FSTL5: variants seen among roughly 807,000 people sequenced by gnomAD.
The protein encoded by FSTL5 is follistatin-related protein 5.
FSTL5 carries 62 observed loss-of-function variants against 89.1 expected under a neutral mutation model. That is an observed-to-expected ratio of 0.70 (90% CI 0.57 to 0.86). The LOEUF (loss-of-function observed/expected upper bound fraction) is 0.86, where lower values mean the gene tolerates loss of function less well. Among genes scored for constraint, FSTL5 ranks in the 40% least tolerant of loss-of-function variants. The pLI is 0.00. For missense variants in FSTL5, 1,057 were observed against 1,001.6 expected (o/e 1.06, Z -0.75); for synonymous variants, 383 against 346.2 (o/e 1.11, Z -1.18).
chr4:161,680,488 G>T (rs1039737624), intron 6 of FSTL5, among the ~76,000 whole-genome samples: 12 of 151,890 alleles, frequency 7.9e-5, no homozygotes, highest in African/African-American at 2.9e-4. Flanking sequence ...TTGAGATAAA[G>T]TGACAACAAC....
At chr4:162,161,184 T>C (rs7672186) in intron 1 of FSTL5, among the ~76,000 whole-genome samples, 79,848 of 151,614 alleles carry the variant, frequency 0.53, 21,218 homozygotes, top group Admixed American at 0.59. Context: ...ACATCCAGTG[T>C]TGTGTTACTG....
intron 4 of FSTL5, among the ~76,000 whole-genome samples, chr4:161,869,613 G>T (rs1418771382): frequency 6.6e-6 from 1 of 152,174 alleles, no homozygotes; most frequent in Non-Finnish European, 1.5e-5. Flanking sequence ...AATTGTGAGT[G>T]TTACTGGCAT....
At chr4:161,912,820 A>C (rs1186407154) in intron 4 of FSTL5, among the ~76,000 whole-genome samples, 2 of 152,204 alleles carry the variant, frequency 1.3e-5, no homozygotes, top group Admixed American at 6.5e-5. Context: ...GACTTCTTGA[A>C]TGGCTTGGAC....
chr4:162,042,381 G>T (rs1046588265), intron 2 of FSTL5, among the ~76,000 whole-genome samples: 10 of 152,036 alleles, frequency 6.6e-5, no homozygotes, highest in African/African-American at 2.4e-4. Context: ...GTGTCAAATA[G>T]AGTCTTTAAG....
chr4:161,527,909 T>C (rs925690748), intron 10 of FSTL5, among the ~76,000 whole-genome samples: 5 of 149,444 alleles, frequency 3.3e-5, no homozygotes, highest in African/African-American at 1.3e-4. Context: ...TGTCCAACAA[T>C]GATAGACTGG....
At chr4:161,817,768 G>T (rs868693825) in intron 4 of FSTL5, among the ~76,000 whole-genome samples, 4 of 152,320 alleles carry the variant, frequency 2.6e-5, no homozygotes, top group Middle Eastern at 3.4e-3. Context: ...AAATATGTGG[G>T]ATCATAAGCA....
intron 7 of FSTL5, among the ~76,000 whole-genome samples, chr4:161,651,015 C>T (rs990908782): frequency 6.6e-6 from 1 of 152,128 alleles, no homozygotes; most frequent in Admixed American, 6.6e-5. Context: ...TCTTTCACCC[C>T]TGACTGCCAA....
intron 6 of FSTL5, among the ~76,000 whole-genome samples, chr4:161,727,348 G>A (rs1250573442): frequency 2.0e-5 from 3 of 152,144 alleles, no homozygotes; most frequent in Non-Finnish European, 4.4e-5. Context: ...GAGCCAAAAT[G>A]AGAGAGCAAG....
intron 10 of FSTL5, among the ~76,000 whole-genome samples, chr4:161,525,458 A>G (rs146345966): frequency 9.8e-4 from 150 of 152,326 alleles, no homozygotes; most frequent in South Asian, 9.7e-3. Flanking sequence ...GTGTTCACAT[A>G]CTTTGTAAGG....
chr4:161,648,060 C>G (rs1328217934), intron 7 of FSTL5, among the ~76,000 whole-genome samples: 3 of 152,080 alleles, frequency 2.0e-5, no homozygotes, highest in Non-Finnish European at 2.9e-5. Flanking sequence ...TACTGGCTCC[C>G]CCATCTGCTG....
At chr4:162,115,627 AAAC>A (rs1731608131) in intron 1 of FSTL5, among the ~76,000 whole-genome samples, 1 of 152,208 alleles carries the variant, frequency 6.6e-6, no homozygotes, top group Non-Finnish European at 1.5e-5. Flanking sequence ...AAGCATCAGA[AAAC>A]AACCTCATTA....
chr4:161,597,215 T>C (rs1734046684), intron 7 of FSTL5, among the ~76,000 whole-genome samples: 1 of 152,122 alleles, frequency 6.6e-6, no homozygotes, highest in Non-Finnish European at 1.5e-5. Context: ...GTATAAGGTG[T>C]AATGAAGGGA....
intron 2 of FSTL5, among the ~76,000 whole-genome samples, chr4:162,094,500 C>A (rs968300543): frequency 4.0e-5 from 6 of 151,850 alleles, no homozygotes; most frequent in African/African-American, 1.5e-4. Flanking sequence ...TAATAAATTG[C>A]GCATGAATTT....
intron 8 of FSTL5, among the ~76,000 whole-genome samples, chr4:161,569,096 C>G (rs1732916051): frequency 6.6e-6 from 1 of 152,158 alleles, no homozygotes; most frequent in Non-Finnish European, 1.5e-5. Flanking sequence ...CTCCTGGGCT[C>G]AAGCCTCCTT....
chr4:162,151,214 G>C (rs1733211199), intron 1 of FSTL5, among the ~76,000 whole-genome samples: 2 of 152,026 alleles, frequency 1.3e-5, no homozygotes, highest in Admixed American at 1.3e-4. Flanking sequence ...ATTGGAAAAA[G>C]TTTTTAAATT....
At chr4:162,120,243 T>C (rs1731798445) in intron 1 of FSTL5, among the ~76,000 whole-genome samples, 1 of 152,136 alleles carries the variant, frequency 6.6e-6, no homozygotes, top group Admixed American at 6.5e-5. Flanking sequence ...GGAGAAAGTA[T>C]TCACTCTTAG....
At chr4:161,392,366 A>G (rs1560872395) in intron 15 of FSTL5, among the ~76,000 whole-genome samples, 1 of 152,034 alleles carries the variant, frequency 6.6e-6, no homozygotes, top group African/African-American at 2.4e-5. Flanking sequence ...AGCTGGGACT[A>G]CAGGCATATA....
Position 161,386,342 on chromosome 4 carries a change from T to C in FSTL5, c.1949A>G (p.Gln650Arg). 1 of 1,613,930 alleles carries C rather than the reference T, an allele frequency of 6.2e-7. No individual in the cohort carries two copies. Among genetic ancestry groups the C allele is most frequent in the South Asian group, 1.1e-5 (1 of 91,078 alleles). The change falls in exon 16 of 16, where the codon CAG (glutamine) becomes CGG (arginine). Residue 650 changes from glutamine (Q) to arginine (R), a missense_variant. Around this residue, in one of 3 missense-constraint regions of FSTL5, gnomAD observed 980 missense variants for 903.2 expected, o/e 1.08. Coordinates refer to ENST00000306100, the MANE Select transcript of FSTL5 (RefSeq NM_020116.5). Reference protein sequence around the residue: ...INLKDYKCVPQSLAYTHLGGY... With the variant: ...INLKDYKCVPRSLAYTHLGGY... Reference sequence around the variant, plus strand: ...TCCCAAGTGTGTATATGCCAATGACTGAGGAACGCACTTATAGTCCTTCAA... The same window carrying C: ...TCCCAAGTGTGTATATGCCAATGACCGAGGAACGCACTTATAGTCCTTCAA...
At chr4:162,072,298 C>T (rs1013020992) in intron 2 of FSTL5, among the ~76,000 whole-genome samples, 1 of 151,680 alleles carries the variant, frequency 6.6e-6, no homozygotes, top group Non-Finnish European at 1.5e-5. Flanking sequence ...CTTTCCTTTC[C>T]ACCACCAACA....
Sources: allele counts gnomAD v4.1 joint callset (sites outside exome capture counted in the v4.1 genomes callset), GRCh38; gene constraint gnomAD v4.1.1; regional missense constraint gnomAD v4.1.1; transcripts MANE v1.5; gene names NCBI Gene and HGNC (gene_info 2026-07-23, HGNC 2026-07-21).